Variants in MED27 observed in about 807,000 individuals in gnomAD.
The protein encoded by MED27 is mediator of RNA polymerase II transcription subunit 27.
A neutral mutation model predicts 38.2 loss-of-function variants in MED27; 30 were observed. That is an observed-to-expected ratio of 0.79 (90% CI 0.59 to 1.07). MED27 has a LOEUF of 1.07. MED27 is among the 50% of genes least tolerant of loss of function. The pLI, the probability that MED27 is intolerant of heterozygous loss-of-function variation, is 0.00. For missense variants in MED27, 289 were observed against 397.5 expected (o/e 0.73, Z 2.32); for synonymous variants, 122 against 153.5 (o/e 0.79, Z 1.52).
At chr9:132,039,536 C>G (rs948687197) in intron 2 of MED27, among the ~76,000 whole-genome samples, 8 of 152,188 alleles carry the variant, frequency 5.3e-5, no homozygotes, top group Admixed American at 3.9e-4. Context: ...TCCCGAGGTA[C>G]TGAGCGAAAA....
chr9:132,012,712 G>C (rs1037459717), intron 3 of MED27, among the ~76,000 whole-genome samples: 1 of 152,034 alleles, frequency 6.6e-6, no homozygotes. Flanking sequence ...ACCCCACTCT[G>C]TAGTCCCTTC....
At chr9:131,908,040 A>G (rs1830104729) in intron 4 of MED27, among the ~76,000 whole-genome samples, 1 of 148,092 alleles carries the variant, frequency 6.8e-6, no homozygotes, top group Admixed American at 6.7e-5. Flanking sequence ...CCGTCTGAGA[A>G]GTGAGGAGTC....
chr9:131,869,256 CAGG>C, intron 6 of MED27: 2 of 985,458 alleles, frequency 2.0e-6, no homozygotes, highest in African/African-American at 1.7e-5. Flanking sequence ...CTGTGGAGCA[CAGG>C]AGAACTTCAC....
intron 2 of MED27, among the ~76,000 whole-genome samples, chr9:132,046,206 A>G (rs1833333884): frequency 6.6e-6 from 1 of 152,250 alleles, no homozygotes; most frequent in African/African-American, 2.4e-5. Context: ...AAGTTCAACC[A>G]CACTACTAAT....
At chr9:131,937,220 C>T (rs1830701243) in intron 4 of MED27, among the ~76,000 whole-genome samples, 1 of 152,084 alleles carries the variant, frequency 6.6e-6, no homozygotes, top group South Asian at 2.1e-4. Context: ...ATAGTAAATG[C>T]CAAATGCAGG....
At chr9:131,897,579 C>T (rs3924215) in intron 4 of MED27, among the ~76,000 whole-genome samples, 128,572 of 152,176 alleles carry the variant, frequency 0.84, 54,408 homozygotes, top group Middle Eastern at 0.88. Flanking sequence ...ACTGAAATAT[C>T]TACAGATGAA....
At chr9:131,924,335 T>G (rs1026961745) in intron 4 of MED27, among the ~76,000 whole-genome samples, 4 of 152,208 alleles carry the variant, frequency 2.6e-5, no homozygotes, top group African/African-American at 9.6e-5. Flanking sequence ...TGGGTAAGGT[T>G]GAACATCTTT....
chr9:132,054,059 GCAA>G (rs1833520478), intron 2 of MED27, among the ~76,000 whole-genome samples: 2 of 151,994 alleles, frequency 1.3e-5, no homozygotes, highest in African/African-American at 4.8e-5. Flanking sequence ...TGGGAGTGTG[GCAA>G]CAACAACAAA....
intron 5 of MED27, among the ~76,000 whole-genome samples, chr9:131,890,740 G>A (rs1839214700): frequency 6.6e-6 from 1 of 152,146 alleles, no homozygotes; most frequent in South Asian, 2.1e-4. Flanking sequence ...GTAGATGCAG[G>A]ATTGAGATCC....
chr9:132,047,779 A>G (rs1833375085), intron 2 of MED27, among the ~76,000 whole-genome samples: 1 of 152,196 alleles, frequency 6.6e-6, no homozygotes, highest in African/African-American at 2.4e-5. Flanking sequence ...ACATTATCAT[A>G]TAATATCATA....
At chr9:132,035,068 T>C (rs139569136) in intron 2 of MED27, among the ~76,000 whole-genome samples, 138 of 152,188 alleles carry the variant, frequency 9.1e-4, no homozygotes, top group African/African-American at 3.2e-3. Flanking sequence ...AGCCTCCAAG[T>C]GTTCACTGTG....
chr9:131,881,251 C>T (rs1394232916), intron 6 of MED27, among the ~76,000 whole-genome samples: 2 of 152,196 alleles, frequency 1.3e-5, no homozygotes, highest in East Asian at 3.8e-4. Flanking sequence ...GCACGGAAAA[C>T]GTTAGCATTG....
chr9:132,062,548 T>C (rs1048209403), intron 2 of MED27, among the ~76,000 whole-genome samples: 1 of 152,012 alleles, frequency 6.6e-6, no homozygotes, highest in Non-Finnish European at 1.5e-5. Context: ...GAGCCAGACC[T>C]GGACCACATA....
At chr9:131,878,242 C>T (rs1329876004) in intron 6 of MED27, among the ~76,000 whole-genome samples, 2 of 151,604 alleles carry the variant, frequency 1.3e-5, no homozygotes, top group Non-Finnish European at 2.9e-5. Context: ...CACTGCACTC[C>T]AGCCTGGGCA....
intron 5 of MED27, among the ~76,000 whole-genome samples, chr9:131,887,725 A>G (rs550064916): frequency 6.6e-6 from 1 of 152,232 alleles, no homozygotes; most frequent in Non-Finnish European, 1.5e-5. Flanking sequence ...AACCTGATGA[A>G]CAAGAAATTA....
chr9:131,891,048 G>C (rs749619571), intron 5 of MED27, among the ~76,000 whole-genome samples: 36 of 152,308 alleles, frequency 2.4e-4, no homozygotes, highest in Admixed American at 4.6e-4. Flanking sequence ...GCTGTAAGGA[G>C]AGGCAAACCC....
intron 5 of MED27, among the ~76,000 whole-genome samples, chr9:131,893,594 T>C (rs1246364228): frequency 6.6e-6 from 1 of 152,036 alleles, no homozygotes; most frequent in Non-Finnish European, 1.5e-5. Flanking sequence ...GGGAAAAAAA[T>C]CCATTTCCTC....
chr9:131,901,297 GC>G lies in MED27; in HGVS notation c.574-7306del, dbSNP rs564131382. ...TGTTGAAGAAATGTCTGTACTGTGT[GC>G]AACACTGGGCAAGGACACTGATTCA... On this transcript the variant is annotated intron_variant, in intron 4 of 7. Coordinates refer to ENST00000292035, the MANE Select transcript of MED27 (RefSeq NM_004269.4). 7.9e-5 allele frequency among the ~76,000 whole-genome samples: 12 copies of G among 152,310 alleles called. No homozygotes were observed. The South Asian group carries it at 2.5e-3, about 32-fold the overall frequency.
intron 2 of MED27, among the ~76,000 whole-genome samples, chr9:132,033,596 A>G (rs1390887135): frequency 6.6e-6 from 1 of 152,228 alleles, no homozygotes; most frequent in African/African-American, 2.4e-5. Flanking sequence ...CAGCACATAC[A>G]TTTGTGTATA....
Sources: allele counts gnomAD v4.1 joint callset (sites outside exome capture counted in the v4.1 genomes callset), GRCh38; gene constraint gnomAD v4.1.1; transcripts MANE v1.5; gene names NCBI Gene and HGNC (gene_info 2026-07-23, HGNC 2026-07-21).